USP8: variants seen among roughly 807,000 people sequenced by gnomAD.
USP8 encodes the protein ubiquitin carboxyl-terminal hydrolase 8.
Under a neutral mutation model 130.0 loss-of-function variants are expected in USP8, and 27 were observed. The observed-to-expected ratio is 0.21, with a 90% CI of 0.15 to 0.29. USP8 has a LOEUF of 0.29. USP8 is among the 10% of genes least tolerant of loss of function. The probability of loss-of-function intolerance (pLI) is 1.00; values close to 1 mark genes in which losing one functional copy is unlikely to be tolerated. For synonymous variants in USP8, 392 were observed against 444.1 expected (o/e 0.88, Z 1.48); for missense variants, 1,029 against 1,312.2 (o/e 0.78, Z 3.33).
At position 50,509,907 on chromosome 15, in the gene USP8, A is replaced by T. The variant is rs1259105724; in HGVS notation, c.*10819A>T. 6.6e-6 allele frequency: 1 copy of T among 152,150 alleles called. No individual in the cohort carries two copies. The highest frequency in any genetic ancestry group is 6.6e-5 in the Admixed American group (1 of 15,264). The allele number at this position is 152,150 out of a possible 1,614,324, so 9.4% of individuals were successfully genotyped here. A position where few individuals can be genotyped will look rare whatever the true frequency, so the allele number is the denominator to read the frequency against. On this transcript the variant is annotated 3_prime_UTR_variant, in exon 20 of 20. Transcript: ENST00000307179. ...AAGGGCCAGGAATAATCGAAATACT[A>T]CTGAAAAATAAGAATAAAGTTGTGA...
At chr15:50,482,637 T>C (rs918187905) in intron 11 of USP8, among the ~76,000 whole-genome samples, 2 of 152,194 alleles carry the variant, frequency 1.3e-5, no homozygotes, top group African/African-American at 4.8e-5. Flanking sequence ...TTTAGGGGAC[T>C]TTTTTTGTTA....
chr15:50,442,193 C>G (rs1274197952), intron 3 of USP8, among the ~76,000 whole-genome samples: 2 of 151,940 alleles, frequency 1.3e-5, no homozygotes, highest in Non-Finnish European at 2.9e-5. Flanking sequence ...AGGCTGGTCT[C>G]AAACTCCCAG....
At chr15:50,482,149 G>A (rs1170681614) in intron 11 of USP8, 84 bp downstream of exon 11, 4 of 1,275,024 alleles carry the variant, frequency 3.1e-6, no homozygotes. Flanking sequence ...TTCCATAAAA[G>A]GGCAGGCATT....
rs1407734623 is a variant in USP8 at position 50,510,710 on chromosome 15, T to TATAC, written c.*11624_*11627dup. 2.0e-5 allele frequency: 3 copies of TATAC among 152,102 alleles called. No homozygotes were observed. Among genetic ancestry groups the TATAC allele is most frequent in the Non-Finnish European group, 2.9e-5 (2 of 68,004 alleles). The allele number at this position is 152,102 out of a possible 1,614,324, so 9.4% of individuals were successfully genotyped here. The stretch of plus-strand genomic sequence containing the variant: ...ATAGAGAGTGAAAGTAATAAAAGTG[T>TATAC]ATACACTGCTAAATGTTAATAACTG... On this transcript the variant is annotated 3_prime_UTR_variant, in exon 20 of 20. Coordinates refer to ENST00000307179, the MANE Select transcript of USP8 (RefSeq NM_005154.5).
At chr15:50,472,236 A>G (rs555089798) in intron 8 of USP8, among the ~76,000 whole-genome samples, 1 of 152,082 alleles carries the variant, frequency 6.6e-6, no homozygotes, top group African/African-American at 2.4e-5. Flanking sequence ...TTATAAATTC[A>G]GGTTTAAAAG....
intron 3 of USP8, chr15:50,444,540 A>G (rs770945302): frequency 3.3e-5 from 5 of 151,592 alleles, no homozygotes; most frequent in Non-Finnish European, 5.9e-5. Flanking sequence ...TAGTGAGTAC[A>G]TTTAAACAGA....
At chr15:50,488,744 T>C (rs2052052316) in intron 12 of USP8, among the ~76,000 whole-genome samples, 1 of 151,560 alleles carries the variant, frequency 6.6e-6, no homozygotes, top group Admixed American at 6.6e-5. Context: ...TTTGGATTTT[T>C]TTTTTTTTAG....
chr15:50,468,235 C>CTTTTTTTTT (rs71424068), intron 7 of USP8, among the ~76,000 whole-genome samples: 1 of 105,518 alleles, frequency 9.5e-6, no homozygotes, highest in Non-Finnish European at 1.9e-5. Flanking sequence ...TGTACCTGGC[C>CTTTTTTTTT]TTTTTTTTTT....
intron 15 of USP8, 186 bp downstream of exon 15, chr15:50,493,099 G>C: frequency 2.9e-6 from 2 of 700,238 alleles, no homozygotes; most frequent in East Asian, 5.9e-5. Flanking sequence ...GCCGGCATCT[G>C]GTGCGCTTTT....
rs2052736752 is a variant in USP8 at position 50,511,290 on chromosome 15, G to GA, written c.*12202_*12203insA. On this transcript the variant is annotated 3_prime_UTR_variant, in exon 20 of 20. Transcript: ENST00000307179. ...GGCAGTAACAAGTTCGGTTGAGGAT[G>GA]TGGGGAAACTGGAACCTTAGTTCCA... 6.6e-6 allele frequency: 1 copy of GA among 152,212 alleles called. No individual in the cohort carries two copies. The allele number at this position is 152,212 out of a possible 1,614,324, so 9.4% of individuals were successfully genotyped here. A position where few individuals can be genotyped will look rare whatever the true frequency, so the allele number is the denominator to read the frequency against.
Position 50,449,455 on chromosome 15 carries a change from C to T in USP8, c.305C>T (p.Ala102Val). The T allele has an allele frequency of 2.5e-6, 4 of 1,595,478 alleles. No individual in the cohort carries two copies. The highest frequency in any genetic ancestry group is 3.4e-6 in the Non-Finnish European group (4 of 1,169,684). The change falls in exon 4 of 20, where the codon GCT becomes GTT. Residue 102 changes from alanine (A) to valine (V), a missense_variant. By Grantham distance (64) the Ala-to-Val change is moderately conservative (BLOSUM62 0). Around this residue, in one of 4 missense-constraint regions of USP8, gnomAD observed 281 missense variants for 336.7 expected, o/e 0.83. Transcript: ENST00000307179. ...PGNIKKAVEE[A>V]ERLSESLKLR... The stretch of plus-strand genomic sequence containing the variant: ...AACATCAAAAAAGCTGTCGAAGAAG[C>T]TGAAAGACTCTCTGAAAGCCTTAAA...
At chr15:50,477,226 G>T (rs2051596520) in intron 9 of USP8, 50 bp from the exon 10 acceptor site, 3 of 1,511,614 alleles carry the variant, frequency 2.0e-6, no homozygotes, top group Non-Finnish European at 1.8e-6. Context: ...TGTAAGTACT[G>T]TGTATGGGGT....
chr15:50,432,867 C>A (rs1274754423), intron 1 of USP8, among the ~76,000 whole-genome samples: 1 of 152,120 alleles, frequency 6.6e-6, no homozygotes, highest in Non-Finnish European at 1.5e-5. Context: ...ATAGTAGTTG[C>A]TCAGAAAATA....
chr15:50,437,077 A>G (rs4318151), intron 1 of USP8, among the ~76,000 whole-genome samples: 64,460 of 151,886 alleles, frequency 0.42, 14,007 homozygotes, highest in Admixed American at 0.52. Context: ...ATCTCTCTGG[A>G]TACTCTCTTC....
At position 50,513,179 on chromosome 15, in the gene USP8, C is replaced by A. The variant is rs1166341357; in HGVS notation, c.*14091C>A. ...TTGTAGAAAGTTAAATATGCACATA[C>A]TTTATGATCTAAGTGACCTCACTCC... On this transcript the variant is annotated 3_prime_UTR_variant, in exon 20 of 20. Transcript: ENST00000307179. The A allele has an allele frequency of 6.6e-6, 1 of 152,098 alleles. No individual in the cohort carries two copies. The highest frequency in any genetic ancestry group is 1.5e-5 in the Non-Finnish European group (1 of 68,022). The allele number at this position is 152,098 out of a possible 1,614,324, so 9.4% of individuals were successfully genotyped here. A position where few individuals can be genotyped will look rare whatever the true frequency, so the allele number is the denominator to read the frequency against.
At chr15:50,439,523 T>A (rs955391013) in intron 2 of USP8, among the ~76,000 whole-genome samples, 1 of 152,132 alleles carries the variant, frequency 6.6e-6, no homozygotes, top group Admixed American at 6.6e-5. Context: ...GTGCGGTGGC[T>A]CACGCTTGTA....
rs112850271 is a variant in USP8 at position 50,445,962 on chromosome 15, A to G, written c.250-3438A>G. 3.6e-3 allele frequency among the ~76,000 whole-genome samples: 546 copies of G among 151,274 alleles called. 5 individuals are homozygous for G. The highest frequency in any genetic ancestry group is 0.013 in the African/African-American group (517 of 40,590). ...TTATTACTTATCAAAAAGTCATCTT[A>G]TGAATAATTCTTTCAGGGTTATCTG... On this transcript the variant is annotated intron_variant, in intron 3 of 19. Coordinates refer to ENST00000307179, the MANE Select transcript of USP8 (RefSeq NM_005154.5).
At chr15:50,476,185 C>T (rs969809186) in intron 8 of USP8, among the ~76,000 whole-genome samples, 13 of 152,334 alleles carry the variant, frequency 8.5e-5, no homozygotes, top group African/African-American at 3.1e-4. Context: ...TAAATCCCAG[C>T]ACTTTGGGCT....
At chr15:50,448,205 C>A (rs1175526520) in intron 3 of USP8, among the ~76,000 whole-genome samples, 2 of 152,142 alleles carry the variant, frequency 1.3e-5, no homozygotes, top group African/African-American at 2.4e-5. Context: ...TACTTCTGAC[C>A]TACAACCCTT....
Sources: gnomAD v4.1 joint callset for allele counts (sites outside exome capture counted in the v4.1 genomes callset) on GRCh38, gnomAD v4.1.1 for gene constraint, gnomAD v4.1.1 regional missense constraint, MANE v1.5 for transcripts, NCBI Gene and HGNC (gene_info 2026-07-23, HGNC 2026-07-21) for gene names.